PINX1: variants seen among roughly 807,000 people sequenced by gnomAD.
PINX1 encodes the protein PIN2 (TERF1) interacting telomerase inhibitor 1.
A neutral mutation model predicts 25.4 loss-of-function variants in PINX1; 34 were observed. The ratio of observed to expected loss-of-function variants is 1.34; its 90% CI spans 1.02 to 1.78. The LOEUF is 1.78. Ranked by LOEUF, PINX1 falls within the 40% of genes most tolerant of loss-of-function variation. The pLI, the probability that PINX1 is intolerant of heterozygous loss-of-function variation, is 0.00. For synonymous variants in PINX1, 197 were observed against 147.7 expected (o/e 1.33, Z -2.42); for missense variants, 592 against 404.9 (o/e 1.46, Z -3.97).
intron 1 of PINX1, among the ~76,000 whole-genome samples, chr8:10,837,948 G>A (rs1208318451): frequency 1.3e-5 from 2 of 152,192 alleles, no homozygotes; most frequent in Non-Finnish European, 2.9e-5. Context: ...AAAGCCTACC[G>A]TAGGAGTATA....
intron 6 of PINX1, among the ~76,000 whole-genome samples, chr8:10,809,897 G>T (rs771645799): frequency 6.6e-6 from 1 of 152,222 alleles, no homozygotes; most frequent in Non-Finnish European, 1.5e-5. Flanking sequence ...AAAGTAAAGA[G>T]GTTTGATTTT....
At chr8:10,817,018 G>A (rs1400090381) in intron 6 of PINX1, among the ~76,000 whole-genome samples, 1 of 152,190 alleles carries the variant, frequency 6.6e-6, no homozygotes, top group Non-Finnish European at 1.5e-5. Flanking sequence ...ATTCTACGAT[G>A]GCAGTCAGGA....
intron 6 of PINX1, among the ~76,000 whole-genome samples, chr8:10,810,679 G>A (rs764224011): frequency 6.6e-6 from 1 of 152,206 alleles, no homozygotes; most frequent in Non-Finnish European, 1.5e-5. Context: ...CATGTCAGCA[G>A]GTGCTCACTA....
rs773359036 is a variant in PINX1, at chr8:10,765,541, G to C, written c.847C>G (p.Pro283Ala). The C allele has an allele frequency of 6.2e-7, 1 of 1,613,690 alleles. No homozygotes were observed. Among genetic ancestry groups the C allele is most frequent in the South Asian group, 1.1e-5 (1 of 91,068 alleles). The change falls in exon 7 of 7, where the codon CCG (proline) becomes GCG (alanine). Residue 283 changes from proline to alanine, a missense_variant. Transcript: ENST00000314787. ...SAQDAGDHVQ[P>A]PEGRDFTLKP... ...AGGGTGAAGTCCCGGCCCTCAGGCG[G>C]CTGCACATGGTCCCCTGCATCCTGA...
intron 6 of PINX1, among the ~76,000 whole-genome samples, chr8:10,767,180 G>C (rs893459414): frequency 6.6e-6 from 1 of 152,138 alleles, no homozygotes; most frequent in Non-Finnish European, 1.5e-5. Context: ...TTCTACTAAT[G>C]ATCCTAAACT....
At chr8:10,766,218 G>C (rs867872171) in intron 6 of PINX1, among the ~76,000 whole-genome samples, 4 of 152,188 alleles carry the variant, frequency 2.6e-5, no homozygotes, top group Non-Finnish European at 5.9e-5. Flanking sequence ...AAGCCGCCTC[G>C]ATGGAATTCT....
intron 6 of PINX1, among the ~76,000 whole-genome samples, chr8:10,807,871 C>A (rs62492348): frequency 7.5e-4 from 114 of 152,264 alleles, no homozygotes; most frequent in Non-Finnish European, 1.4e-3. Flanking sequence ...GCCGAGCCAG[C>A]ACCTAGTCCT....
chr8:10,765,409 A>C lies in PINX1; in HGVS notation c.979T>G (p.Ser327Ala). 1 of 1,600,864 alleles carries C rather than the reference A, an allele frequency of 6.2e-7. No homozygotes were observed. The highest frequency in any genetic ancestry group is 8.5e-7 in the Non-Finnish European group (1 of 1,176,066). The change falls in exon 7 of 7, where the codon TCC (serine) becomes GCC (alanine). Residue 327 changes from serine to alanine, a missense_variant. By Grantham distance (99) the Ser-to-Ala change is moderately conservative. Transcript: ENST00000314787. ...TLVKKKKKKDSK is the reference protein window; with the variant it reads ...TLVKKKKKKDAK ...CCCCGGCTGGGAAGGATTCATTTGG[A>C]ATCTTTCTTCTTCTTCTTTTTCACT...
intron 6 of PINX1, among the ~76,000 whole-genome samples, chr8:10,774,364 C>G (rs997897084): frequency 3.3e-5 from 5 of 152,060 alleles, no homozygotes; most frequent in Non-Finnish European, 5.9e-5. Context: ...TCACCGCAAC[C>G]TCCGCCTCCA....
intron 6 of PINX1, among the ~76,000 whole-genome samples, chr8:10,785,483 T>C (rs765620124): frequency 6.6e-6 from 1 of 152,210 alleles, no homozygotes; most frequent in Non-Finnish European, 1.5e-5. Flanking sequence ...AATGTTTATT[T>C]AAATTACTAT....
chr8:10,798,658 TCTC>T (rs1332147908), intron 6 of PINX1, among the ~76,000 whole-genome samples: 2 of 152,202 alleles, frequency 1.3e-5, no homozygotes, highest in Admixed American at 1.3e-4. Context: ...ACTCTTTCCA[TCTC>T]CTCCTCAATT....
chr8:10,769,465 A>C (rs1171434599), intron 6 of PINX1, among the ~76,000 whole-genome samples: 1 of 152,050 alleles, frequency 6.6e-6, no homozygotes, highest in African/African-American at 2.4e-5. Flanking sequence ...AACTGAGATG[A>C]CTCTGGAGCA....
At chr8:10,775,047 T>A (rs1801344948) in intron 6 of PINX1, among the ~76,000 whole-genome samples, 1 of 152,130 alleles carries the variant, frequency 6.6e-6, no homozygotes, top group Non-Finnish European at 1.5e-5. Flanking sequence ...ACAAAGCCAA[T>A]TCTACTCAAG....
intron 6 of PINX1, among the ~76,000 whole-genome samples, chr8:10,776,032 C>T (rs1377176297): frequency 6.6e-6 from 1 of 152,132 alleles, no homozygotes; most frequent in Non-Finnish European, 1.5e-5. Context: ...TGAAAATCAA[C>T]AGCTACATTT....
intron 6 of PINX1, among the ~76,000 whole-genome samples, chr8:10,813,651 A>G (rs991709938): frequency 6.6e-6 from 1 of 152,202 alleles, no homozygotes; most frequent in African/African-American, 2.4e-5. Context: ...ATGATTATTG[A>G]TTTGGTATCC....
Position 10,785,595 on chromosome 8 carries a change from G to A in PINX1, c.472-19679C>T, listed in dbSNP as rs17152393. Among the ~76,000 whole-genome samples the A allele has an allele frequency of 9.9e-3, 1,506 of 152,218 alleles. 49 individuals are homozygous for A. The highest frequency in any genetic ancestry group is 0.099 in the East Asian group (512 of 5,184). Reference sequence around the variant, plus strand: ...AGTTCTTATTATAGCAATCCCACTGGGACAGTTTGAACAATAAGCTGGGGT... The same window carrying A: ...AGTTCTTATTATAGCAATCCCACTGAGACAGTTTGAACAATAAGCTGGGGT... On this transcript the variant is annotated intron_variant, in intron 6 of 6. Coordinates refer to ENST00000314787, the MANE Select transcript of PINX1 (RefSeq NM_017884.6).
intron 6 of PINX1, among the ~76,000 whole-genome samples, chr8:10,785,587 T>A (rs1307316091): frequency 2.0e-5 from 3 of 152,230 alleles, no homozygotes; most frequent in African/African-American, 7.2e-5. Flanking sequence ...ATTATAGCAA[T>A]CCCACTGGGA....
At chr8:10,805,220 G>C (rs567565478) in intron 6 of PINX1, among the ~76,000 whole-genome samples, 2 of 152,186 alleles carry the variant, frequency 1.3e-5, no homozygotes, top group Non-Finnish European at 2.9e-5. Flanking sequence ...GGCGTGCTTG[G>C]AGGAACCATC....
chr8:10,793,230 G>A (rs1255223808), intron 6 of PINX1, among the ~76,000 whole-genome samples: 1 of 152,250 alleles, frequency 6.6e-6, no homozygotes, highest in South Asian at 2.1e-4. Flanking sequence ...ATTTTAACAA[G>A]CATATTATCT....
Sources: allele counts gnomAD v4.1 joint callset (sites outside exome capture counted in the v4.1 genomes callset), GRCh38; gene constraint gnomAD v4.1.1; transcripts MANE v1.5; gene names NCBI Gene and HGNC (gene_info 2026-07-23, HGNC 2026-07-21).